The following UNC13C variants were observed in gnomAD, a reference collection of about 807,000 sequenced individuals.
UNC13C encodes unc-13 homolog C.
Under a neutral mutation model 245.4 loss-of-function variants are expected in UNC13C, and 174 were observed. The observed-to-expected ratio is 0.71, with a 90% CI of 0.63 to 0.80. UNC13C has a LOEUF of 0.80. Among genes scored for constraint, UNC13C ranks in the 30% least tolerant of loss-of-function variants. UNC13C has a pLI of 0.00. For missense variants in UNC13C, 2,829 were observed against 2,602.9 expected (o/e 1.09, Z -1.89); for synonymous variants, 992 against 895.1 (o/e 1.11, Z -1.93).
chr15:54,308,167 C>T lies in UNC13C; in HGVS notation c.4268+7794C>T, dbSNP rs536647250. ...GAAAACCACAAGTTCCGTATGATTT[C>T]GGACACCTGTCCCTGAACTGGCATG... is the stretch of plus-strand genomic sequence containing the variant. On this transcript the variant is annotated intron_variant, in intron 13 of 32. Transcript: ENST00000260323. Among the ~76,000 whole-genome samples the T allele has an allele frequency of 7.9e-5, 12 of 151,938 alleles. No individual in the cohort carries two copies. In the South Asian group the frequency reaches 1.0e-3, roughly 13 times the overall value.
At chr15:54,059,141 G>T (rs948151707) in intron 2 of UNC13C, among the ~76,000 whole-genome samples, 1 of 152,084 alleles carries the variant, frequency 6.6e-6, no homozygotes, top group East Asian at 1.9e-4. Flanking sequence ...AGAAATAAAG[G>T]GTGTTCAATT....
At chr15:53,928,525 T>A in the UNC13C span, among the ~76,000 whole-genome samples, 1 of 152,144 alleles carries the variant, frequency 6.6e-6, no homozygotes, top group African/African-American at 2.4e-5. Context: ...TTATGGCCAG[T>A]TTTGGGGCCA....
At chr15:54,125,199 C>T (rs1249022750) in intron 2 of UNC13C, among the ~76,000 whole-genome samples, 1 of 152,270 alleles carries the variant, frequency 6.6e-6, no homozygotes, top group Admixed American at 6.5e-5. Context: ...CACAGTGGCT[C>T]ACATCTGTAA....
the UNC13C span, among the ~76,000 whole-genome samples, chr15:53,839,614 T>G: frequency 2.0e-5 from 3 of 152,256 alleles, no homozygotes; most frequent in South Asian, 6.2e-4. Context: ...TTATGTACTG[T>G]GACAGTCTCT....
At chr15:54,480,450 A>G (rs1472901301) in intron 19 of UNC13C, among the ~76,000 whole-genome samples, 3 of 128,070 alleles carry the variant, frequency 2.3e-5, no homozygotes, top group Non-Finnish European at 4.9e-5. Flanking sequence ...TGGCTGGGTT[A>G]TCTCAAAAGA....
intron 4 of UNC13C, among the ~76,000 whole-genome samples, chr15:54,180,460 A>G (rs577799684): frequency 1.2e-3 from 180 of 152,202 alleles, no homozygotes; most frequent in Admixed American, 0.011. Context: ...TGTGATGAAC[A>G]TGAGAGTGCA....
intron 30 of UNC13C, among the ~76,000 whole-genome samples, chr15:54,609,907 A>T (rs1899983644): frequency 6.6e-6 from 1 of 152,176 alleles, no homozygotes; most frequent in Admixed American, 6.5e-5. Context: ...AGAAATGCTG[A>T]GCAAAGGGGA....
intron 18 of UNC13C, among the ~76,000 whole-genome samples, chr15:54,395,660 TAATCCCTGATTATTGATTCAG>T (rs2040055290): frequency 6.6e-6 from 1 of 151,904 alleles, no homozygotes; most frequent in Admixed American, 6.6e-5. Context: ...TCTTTCAATG[TAATCCCTGATTATTGATTCAG>T]ATCATTTAGT....
intron 4 of UNC13C, among the ~76,000 whole-genome samples, chr15:54,223,075 CTG>C (rs1182400124): frequency 6.6e-6 from 1 of 152,086 alleles, no homozygotes; most frequent in Non-Finnish European, 1.5e-5. Flanking sequence ...GTTTCCTTTG[CTG>C]TGCAGAAGCT....
chr15:54,277,303 A>T (rs1245213382), intron 10 of UNC13C, among the ~76,000 whole-genome samples: 1 of 152,204 alleles, frequency 6.6e-6, no homozygotes, highest in African/African-American at 2.4e-5. Flanking sequence ...ACTGGGAGGG[A>T]CAATAAAATG....
chr15:54,514,007 T>C (rs1341081919), intron 24 of UNC13C, among the ~76,000 whole-genome samples: 2 of 152,158 alleles, frequency 1.3e-5, no homozygotes, highest in Non-Finnish European at 2.9e-5. Flanking sequence ...CAAGTCTGAG[T>C]GCATCATGTG....
intron 7 of UNC13C, among the ~76,000 whole-genome samples, chr15:54,247,556 A>G (rs980672242): frequency 6.6e-6 from 1 of 152,178 alleles, no homozygotes; most frequent in African/African-American, 2.4e-5. Flanking sequence ...GCTTTGATAA[A>G]TACATGCCCA....
At chr15:54,127,996 ACGATTC>A (rs2031170453) in intron 2 of UNC13C, among the ~76,000 whole-genome samples, 1 of 151,914 alleles carries the variant, frequency 6.6e-6, no homozygotes, top group Non-Finnish European at 1.5e-5. Context: ...CTCTGAAGAT[ACGATTC>A]TATACCTAGG....
At chr15:54,245,361 C>T (rs926061949) in intron 7 of UNC13C, among the ~76,000 whole-genome samples, 20 of 152,012 alleles carry the variant, frequency 1.3e-4, no homozygotes, top group African/African-American at 4.8e-4. Context: ...TTGTTCTGCC[C>T]TCTTTATTTG....
At chr15:54,206,909 G>A (rs906663054) in intron 4 of UNC13C, among the ~76,000 whole-genome samples, 1 of 152,050 alleles carries the variant, frequency 6.6e-6, no homozygotes, top group East Asian at 1.9e-4. Flanking sequence ...ACTTTGGCTT[G>A]TGTTTAGATC....
At chr15:54,311,591 G>A (rs944900503) in intron 13 of UNC13C, among the ~76,000 whole-genome samples, 19 of 151,230 alleles carry the variant, frequency 1.3e-4, no homozygotes, top group South Asian at 2.1e-4. Context: ...TTTATTTTGC[G>A]TTAGGAACTT....
chr15:53,961,694 G>T, the UNC13C span, among the ~76,000 whole-genome samples: 1 of 152,166 alleles, frequency 6.6e-6, no homozygotes, highest in Non-Finnish European at 1.5e-5. Flanking sequence ...GTAGTTTTTA[G>T]CCATTGAATA....
At chr15:53,868,319 C>A in the UNC13C span, among the ~76,000 whole-genome samples, 1 of 152,184 alleles carries the variant, frequency 6.6e-6, no homozygotes, top group African/African-American at 2.4e-5. Context: ...CTGATCCGCA[C>A]AAAACCCAGC....
chr15:54,074,091 G>C (rs1898468283), intron 2 of UNC13C, among the ~76,000 whole-genome samples: 1 of 151,880 alleles, frequency 6.6e-6, no homozygotes, highest in Non-Finnish European at 1.5e-5. Flanking sequence ...TCAGTTTTCT[G>C]CATATGGCTA....
Sources: gnomAD v4.1 joint callset for allele counts (sites outside exome capture counted in the v4.1 genomes callset) on GRCh38, gnomAD v4.1.1 for gene constraint, MANE v1.5 for transcripts, NCBI Gene and HGNC (gene_info 2026-07-23, HGNC 2026-07-21) for gene names.